Variants in GABRA2 observed in about 807,000 individuals in gnomAD.
GABRA2 encodes gamma-aminobutyric acid receptor subunit alpha-2.
In GABRA2, 16 loss-of-function variants were observed where a neutral mutation model predicts 48.7. That is an observed-to-expected ratio of 0.33 (90% CI 0.22 to 0.50). The LOEUF (loss-of-function observed/expected upper bound fraction) is 0.50, where lower values mean the gene tolerates loss of function less well. GABRA2 is among the 20% of genes least tolerant of loss of function. The pLI is 0.98. For synonymous variants in GABRA2, 185 were observed against 184.5 expected (o/e 1.00, Z -0.02); for missense variants, 275 against 535.6 (o/e 0.51, Z 4.80).
intron 1 of GABRA2, chr4:46,389,483 A>T: frequency 1.3e-6 from 1 of 789,242 alleles, no homozygotes; most frequent in Non-Finnish European, 1.5e-6. Context: ...AGCAAAGTTG[A>T]AGACTATAAA....
chr4:46,305,156 C>T (rs1263888059), intron 7 of GABRA2, among the ~76,000 whole-genome samples: 9 of 149,446 alleles, frequency 6.0e-5, no homozygotes, highest in South Asian at 4.2e-4. Context: ...AGCAAACTAT[C>T]GCAAGGACAA....
intron 4 of GABRA2, among the ~76,000 whole-genome samples, chr4:46,326,874 A>T (rs1241543896): frequency 1.3e-5 from 2 of 151,958 alleles, no homozygotes; most frequent in Admixed American, 6.6e-5. Flanking sequence ...ACAAAGACAA[A>T]CAAAACTTTT....
At chr4:46,389,189 A>G in intron 1 of GABRA2, 16 of 988,402 alleles carry the variant, frequency 1.6e-5, no homozygotes, top group Non-Finnish European at 1.9e-5. Context: ...ACAGCGGGAA[A>G]AGCTAGGGGC....
At chr4:46,350,717 CT>C (rs1040878289) in intron 3 of GABRA2, among the ~76,000 whole-genome samples, 1 of 151,746 alleles carries the variant, frequency 6.6e-6, no homozygotes, top group African/African-American at 2.4e-5. Flanking sequence ...TGATTTCATT[CT>C]TTTTCCTCCT....
Position 46,376,778 on chromosome 4 carries a change from G to A in GABRA2, c.187+9296C>T, listed in dbSNP as rs533732939. 2.0e-4 allele frequency among the ~76,000 whole-genome samples: 29 copies of A among 147,548 alleles called. No homozygotes were observed. The East Asian group carries it at 4.2e-3, about 22-fold the overall frequency. ...TCCCTCTCCCTCTCCCTCTCCCCAC[G>A]GTCTCCCTCTCCCTCTCTCCACGGT... On this transcript the variant is annotated intron_variant, in intron 3 of 9. Coordinates refer to ENST00000381620, the MANE Select transcript of GABRA2 (RefSeq NM_000807.4).
At chr4:46,261,864 G>T in intron 9 of GABRA2, 62 bp downstream of exon 9, 1 of 1,312,604 alleles carries the variant, frequency 7.6e-7, no homozygotes, top group Non-Finnish European at 1.1e-6. Flanking sequence ...AAACATATCT[G>T]TTACAAGCGG....
intron 6 of GABRA2, among the ~76,000 whole-genome samples, chr4:46,306,171 A>T (rs1726655816): frequency 6.6e-6 from 1 of 152,238 alleles, no homozygotes; most frequent in Non-Finnish European, 1.5e-5. Flanking sequence ...GTTAGCTATC[A>T]TAATACAATG....
At chr4:46,351,583 T>C (rs1399747916) in intron 3 of GABRA2, among the ~76,000 whole-genome samples, 1 of 151,982 alleles carries the variant, frequency 6.6e-6, no homozygotes, top group Admixed American at 6.6e-5. Flanking sequence ...AGACAAGAAA[T>C]ATATTTTCTA....
chr4:46,303,510 T>C lies in GABRA2; in HGVS notation c.806A>G (p.Gln269Arg). 1.2e-6 allele frequency: 2 copies of C among 1,614,070 alleles called. No homozygotes were observed. The highest frequency in any genetic ancestry group is 1.7e-6 in the Non-Finnish European group (2 of 1,179,980). ...TTCTCTGTTAAGCCAGAATGAAACTTGGGAGAGAATGACAGTCATGATGCA... is the reference window on the plus strand; with the variant it reads ...TTCTCTGTTAAGCCAGAATGAAACTCGGGAGAGAATGACAGTCATGATGCA... ...LPCIMTVILS[Q>R]VSFWLNRESV... Residue 269 changes from glutamine to arginine, a missense_variant, in exon 8 of 10, where the codon CAA (glutamine) becomes CGA (arginine). Around this residue, in one of 4 missense-constraint regions of GABRA2, gnomAD observed 24 missense variants for 113.8 expected, o/e 0.21. Transcript: ENST00000381620.
rs1713143932 is a variant in GABRA2, at chr4:46,243,550, T to C, written c.*6758A>G. The C allele has an allele frequency of 6.6e-6, 1 of 151,644 alleles. No individual in the cohort carries two copies. The allele number at this position is 151,644 out of a possible 1,614,324, so 9.4% of individuals were successfully genotyped here. On this transcript the variant is annotated 3_prime_UTR_variant, in exon 10 of 10. Coordinates refer to ENST00000381620, the MANE Select transcript of GABRA2 (RefSeq NM_000807.4). ...AAAAACACAATTTTCAGAGCAAATA[T>C]ATTTAAATCATTTTTAATAAATACA...
chr4:46,275,645 A>G (rs756103284), intron 8 of GABRA2, among the ~76,000 whole-genome samples: 23 of 152,190 alleles, frequency 1.5e-4, no homozygotes, highest in Non-Finnish European at 3.2e-4. Flanking sequence ...CTTAACCTAT[A>G]TAAACCGCCC....
chr4:46,300,529 G>A (rs1235636414), intron 8 of GABRA2, among the ~76,000 whole-genome samples: 3 of 151,778 alleles, frequency 2.0e-5, no homozygotes, highest in Non-Finnish European at 4.4e-5. Flanking sequence ...TGTCACTTAC[G>A]ATTGTCATAT....
chr4:46,332,756 C>A (rs1020502748), intron 3 of GABRA2, 74 bp from the exon 4 acceptor site: 1 of 886,976 alleles, frequency 1.1e-6, no homozygotes, highest in Non-Finnish European at 1.8e-6. Flanking sequence ...TTTGAGTACA[C>A]GGTATGGTTT....
chr4:46,327,256 T>C (rs1159955344), intron 4 of GABRA2, among the ~76,000 whole-genome samples: 1 of 152,000 alleles, frequency 6.6e-6, no homozygotes, highest in Non-Finnish European at 1.5e-5. Context: ...GTTCTACAAA[T>C]AGTAAATATG....
chr4:46,328,995 C>T (rs901805470), intron 4 of GABRA2, among the ~76,000 whole-genome samples: 1 of 152,002 alleles, frequency 6.6e-6, no homozygotes, highest in African/African-American at 2.4e-5. Flanking sequence ...TGAGTAAATG[C>T]ATGTGTTTGT....
intron 3 of GABRA2, 30 bp downstream of exon 3, chr4:46,386,044 A>G (rs1169556167): frequency 7.4e-7 from 1 of 1,356,304 alleles, no homozygotes; most frequent in Non-Finnish European, 1.1e-6. Flanking sequence ...TTATTTTACG[A>G]GAGTTTTAAA....
At chr4:46,275,212 T>G (rs142518175) in intron 8 of GABRA2, among the ~76,000 whole-genome samples, 2 of 152,212 alleles carry the variant, frequency 1.3e-5, no homozygotes, top group East Asian at 3.9e-4. Flanking sequence ...CCTCGATTTT[T>G]AAAAGGATAT....
intron 3 of GABRA2, among the ~76,000 whole-genome samples, chr4:46,352,520 C>G (rs1378391226): frequency 6.6e-6 from 1 of 151,872 alleles, no homozygotes; most frequent in Non-Finnish European, 1.5e-5. Context: ...AATATAAATC[C>G]AATACAAAAA....
At chr4:46,263,573 T>C (rs900958074) in intron 8 of GABRA2, among the ~76,000 whole-genome samples, 3 of 152,150 alleles carry the variant, frequency 2.0e-5, no homozygotes, top group Non-Finnish European at 4.4e-5. Flanking sequence ...CTCCAAATTT[T>C]ATACCCTTGA....
Sources: gnomAD v4.1 joint callset for allele counts (sites outside exome capture counted in the v4.1 genomes callset) on GRCh38, gnomAD v4.1.1 for gene constraint, gnomAD v4.1.1 regional missense constraint, MANE v1.5 for transcripts, NCBI Gene and HGNC (gene_info 2026-07-23, HGNC 2026-07-21) for gene names.